Variants in CNGB3 observed in about 807,000 individuals in gnomAD.
The protein encoded by CNGB3 is cyclic nucleotide gated channel subunit beta 3, also known as cyclic nucleotide-gated channel beta-3.
A neutral mutation model predicts 92.8 loss-of-function variants in CNGB3; 86 were observed. The observed-to-expected ratio is 0.93, with a 90% CI of 0.78 to 1.11. CNGB3 has a LOEUF of 1.11. Among genes scored for constraint, CNGB3 ranks in the 50% least tolerant of loss-of-function variants. CNGB3 has a pLI of 0.00. For missense variants in CNGB3, 1,026 were observed against 956.8 expected (o/e 1.07, Z -0.95); for synonymous variants, 333 against 332.7 (o/e 1.00, Z -0.01).
intron 6 of CNGB3, chr8:86,659,584 G>T: frequency 3.6e-6 from 2 of 555,770 alleles, no homozygotes; most frequent in South Asian, 1.6e-5. Context: ...GCTATGTAGA[G>T]ACAGCAGAGA....
At chr8:86,638,835 T>G (rs72692253) in intron 10 of CNGB3, among the ~76,000 whole-genome samples, 31,230 of 151,784 alleles carry the variant, frequency 0.21, 3,896 homozygotes, top group East Asian at 0.44. Flanking sequence ...TGGGTTTTTT[T>G]TTTTGTTTTG....
At chr8:86,702,714 T>C (rs13271141) in intron 3 of CNGB3, among the ~76,000 whole-genome samples, 29,492 of 152,126 alleles carry the variant, frequency 0.19, 3,414 homozygotes, top group South Asian at 0.3. Flanking sequence ...ACTCTCAAGA[T>C]GAATGCTTGC....
chr8:86,644,105 T>G (rs1236712234), intron 9 of CNGB3, among the ~76,000 whole-genome samples: 1 of 151,090 alleles, frequency 6.6e-6, no homozygotes, highest in Non-Finnish European at 1.5e-5. Context: ...GAAAACTTCC[T>G]CTCTTTTCAC....
At chr8:86,647,715 C>A in intron 8 of CNGB3, 86 bp downstream of exon 8, 3 of 817,642 alleles carry the variant, frequency 3.7e-6, no homozygotes, top group Non-Finnish European at 4.3e-6. Flanking sequence ...TTTTAAGATA[C>A]TTTAAATTGT....
chr8:86,651,097 G>T (rs1270251355), intron 7 of CNGB3, among the ~76,000 whole-genome samples: 3 of 151,594 alleles, frequency 2.0e-5, no homozygotes, highest in Non-Finnish European at 4.4e-5. Context: ...TTATAAGTGG[G>T]AGCTAAGCTC....
chr8:86,689,508 TA>T lies in CNGB3; in HGVS notation c.339-18411del, dbSNP rs201968975. Among the ~76,000 whole-genome samples, 855 of 150,362 alleles carry T rather than the reference TA, an allele frequency of 5.7e-3. 4 individuals are homozygous for T. Among genetic ancestry groups the T allele is most frequent in the Middle Eastern group, 0.024 (7 of 290 alleles). Reference sequence around the variant, plus strand: ...CACACACAAACCAATTATATATATATATTTTTTTTACTTTTTATTTTTATTA... The same window carrying T: ...CACACACAAACCAATTATATATATATTTTTTTTTACTTTTTATTTTTATTA... On this transcript the variant is annotated intron_variant, in intron 3 of 17. Transcript: ENST00000320005.
intron 15 of CNGB3, among the ~76,000 whole-genome samples, chr8:86,599,789 G>A (rs1408477976): frequency 6.6e-6 from 1 of 152,170 alleles, no homozygotes; most frequent in Non-Finnish European, 1.5e-5. Context: ...CAATGACCAT[G>A]CGTGCCTGAA....
intron 7 of CNGB3, 107 bp downstream of exon 7, chr8:86,653,905 A>G: frequency 1.2e-6 from 1 of 808,582 alleles, no homozygotes. Flanking sequence ...TCATTGTCTA[A>G]TAAAACTTCG....
At chr8:86,735,848 A>G (rs978601844) in intron 2 of CNGB3, among the ~76,000 whole-genome samples, 7 of 152,210 alleles carry the variant, frequency 4.6e-5, no homozygotes, top group Admixed American at 2.0e-4. Context: ...ATAGCCATTA[A>G]TTGGCTTACC....
chr8:86,735,054 T>G lies in CNGB3; in HGVS notation c.211+4601A>C, dbSNP rs1272003312. ...TCAAATGCCGGTGGTTTTTTTTTTT[T>G]TTTTTTTTTTTTTTTTGTATGGTAT... On this transcript the variant is annotated intron_variant, in intron 2 of 17. Coordinates refer to ENST00000320005, the MANE Select transcript of CNGB3 (RefSeq NM_019098.5). 8.3e-5 allele frequency among the ~76,000 whole-genome samples: 12 copies of G among 144,426 alleles called. 1 individual carries two copies. The highest frequency in any genetic ancestry group is 4.4e-4 in the South Asian group (2 of 4,498). The allele number at this position is 144,426 out of a possible 152,430, so 94.7% of individuals were successfully genotyped here.
chr8:86,580,346 G>A (rs1266055793), intron 15 of CNGB3, among the ~76,000 whole-genome samples: 2 of 152,160 alleles, frequency 1.3e-5, no homozygotes, highest in Non-Finnish European at 2.9e-5. Flanking sequence ...CCTCACTTCT[G>A]TCAGTAATCT....
chr8:86,632,102 G>C (rs1040496847), intron 11 of CNGB3, among the ~76,000 whole-genome samples: 2 of 151,662 alleles, frequency 1.3e-5, no homozygotes, highest in African/African-American at 4.8e-5. Flanking sequence ...GGGGGGCTGG[G>C]GTGGGTAGAT....
At position 86,671,029 on chromosome 8, in the gene CNGB3, C is replaced by A. The variant is rs1446909448; in HGVS notation, c.408G>T (p.Val136=). 1 of 1,613,740 alleles carries A rather than the reference C, an allele frequency of 6.2e-7. No individual in the cohort carries two copies. The highest frequency in any genetic ancestry group is 8.5e-7 in the Non-Finnish European group (1 of 1,180,028). The part of the protein sequence containing the change: ...EYADAQLHNL[V]KRMRQRTALY... ...GGGCTGTTCTTTGACGCATTCTTTT[C>A]ACCAGGTTGTGTAGCTGGGCATCGG... The change falls in exon 4 of 18, where the codon GTG becomes GTT. Residue 136 remains valine, a synonymous_variant. Transcript: ENST00000320005.
intron 6 of CNGB3, among the ~76,000 whole-genome samples, chr8:86,664,971 A>T (rs1823713638): frequency 6.6e-6 from 1 of 152,220 alleles, no homozygotes; most frequent in Non-Finnish European, 1.5e-5. Flanking sequence ...CACCAGACAC[A>T]TGGTTGTTGA....
At chr8:86,621,478 TATTTA>T in intron 13 of CNGB3, among the ~76,000 whole-genome samples, 1 of 152,228 alleles carries the variant, frequency 6.6e-6, no homozygotes, top group East Asian at 1.9e-4. Flanking sequence ...TTTTAATTTT[TATTTA>T]ATTTCAATAG....
At chr8:86,713,856 A>G (rs1824795871) in intron 3 of CNGB3, among the ~76,000 whole-genome samples, 1 of 152,222 alleles carries the variant, frequency 6.6e-6, no homozygotes, top group African/African-American at 2.4e-5. Flanking sequence ...TTAAAAAAAT[A>G]TACTTCATTG....
At chr8:86,627,241 T>C (rs1290758906) in intron 12 of CNGB3, among the ~76,000 whole-genome samples, 2 of 150,998 alleles carry the variant, frequency 1.3e-5, no homozygotes, top group Non-Finnish European at 2.9e-5. Flanking sequence ...GGGCTGTCTC[T>C]AGTTACCTCC....
intron 6 of CNGB3, among the ~76,000 whole-genome samples, chr8:86,663,045 A>G (rs1823675462): frequency 6.6e-6 from 1 of 152,236 alleles, no homozygotes; most frequent in Non-Finnish European, 1.5e-5. Context: ...CTACTACTTC[A>G]TAATTAGCCT....
chr8:86,736,006 A>G (rs1306637873), intron 2 of CNGB3, among the ~76,000 whole-genome samples: 1 of 152,042 alleles, frequency 6.6e-6, no homozygotes, highest in Non-Finnish European at 1.5e-5. Context: ...ACATAATATA[A>G]ATGAAATAGA....
Sources: gnomAD v4.1 joint callset for allele counts (sites outside exome capture counted in the v4.1 genomes callset) on GRCh38, gnomAD v4.1.1 for gene constraint, MANE v1.5 for transcripts, NCBI Gene and HGNC (gene_info 2026-07-23, HGNC 2026-07-21) for gene names.